The following ACSBG2 variants were observed in gnomAD, a reference collection of about 807,000 sequenced individuals.
ACSBG2 encodes the protein long-chain-fatty-acid--CoA ligase ACSBG2.
In ACSBG2, 62 loss-of-function variants were observed where a neutral mutation model predicts 74.7. The observed-to-expected ratio is 0.83, with a 90% confidence interval of 0.68 to 1.03. The LOEUF (loss-of-function observed/expected upper bound fraction) is 1.03, where lower values mean the gene tolerates loss of function less well. Among genes scored for constraint, ACSBG2 ranks in the 50% least tolerant of loss-of-function variants. The pLI, the probability that ACSBG2 is intolerant of heterozygous loss-of-function variation, is 0.00. For synonymous variants in ACSBG2, 309 were observed against 294.1 expected, an observed-to-expected ratio of 1.05 and a Z score of -0.52; for missense variants, 730 against 817.6, an observed-to-expected ratio of 0.89 and a Z score of 1.31.
Position 6,143,621 on chromosome 19 carries a change from C to G in ACSBG2, c.67+2011C>G, listed in dbSNP as rs138742294. Among the ~76,000 whole-genome samples the G allele has an allele frequency of 8.2e-3, 1,253 of 152,182 alleles. 9 individuals carry two copies. Among genetic ancestry groups the G allele is most frequent in the East Asian group, 0.012 (64 of 5,176 alleles). ...TATCCCACAAGTGTCCAGGTGACAC[C>G]TCCATGTTTTTGTCCAATTTAAAGC... On this transcript the variant is annotated intron_variant, in intron 2 of 14. Transcript: ENST00000588485.
chr19:6,161,046 G>T (rs948116968), intron 5 of ACSBG2, among the ~76,000 whole-genome samples, 169 bp from the exon 6 acceptor site: 14 of 151,702 alleles, frequency 9.2e-5, no homozygotes, highest in Non-Finnish European at 2.9e-5. Context: ...GTTGCAGTGA[G>T]CCGAGATTGG....
Position 6,187,403 on chromosome 19 carries a change from G to A in ACSBG2, c.1661G>A (p.Ser554Asn), listed in dbSNP as rs375722871. ...MLVGDKLKFL[S>N]MLLTLKCEMN... ...GTAGGAGATAAACTGAAGTTTCTGA[G>A]CATGTTGCTGACGCTGAAGGTAACA... The change falls in exon 12 of 15, where the codon AGC becomes AAC. Residue 554 changes from serine (S) to asparagine (N), a missense_variant. Transcript: ENST00000588485. The A allele has an allele frequency of 3.1e-6, 5 of 1,614,042 alleles. No individual in the cohort carries two copies. The African/African-American group carries it at 6.7e-5, about 22-fold the overall frequency.
chr19:6,184,464 A>AT (rs947123347), intron 10 of ACSBG2, among the ~76,000 whole-genome samples: 15 of 151,988 alleles, frequency 9.9e-5, no homozygotes, highest in African/African-American at 3.4e-4. Flanking sequence ...GTCTGTCTTC[A>AT]TTTTTTCTTT....
intron 1 of ACSBG2, among the ~76,000 whole-genome samples, chr19:6,139,798 G>A (rs1357983990): frequency 6.6e-6 from 1 of 152,172 alleles, no homozygotes; most frequent in African/African-American, 2.4e-5. Context: ...GTGATTTTAG[G>A]CCAGGTGTGG....
At chr19:6,152,956 A>G (rs1361580909) in intron 4 of ACSBG2, among the ~76,000 whole-genome samples, 2 of 152,218 alleles carry the variant, frequency 1.3e-5, no homozygotes, top group African/African-American at 4.8e-5. Context: ...TAAAATTTAA[A>G]TATCAGGCCG....
At position 6,187,314 on chromosome 19, in the gene ACSBG2, G is replaced by GC. The variant is rs754308951; in HGVS notation, c.1578dup (p.Ile527HisfsTer4). The GC allele has an allele frequency of 3.7e-6, 6 of 1,614,002 alleles. No homozygotes were observed. The highest frequency in any genetic ancestry group is 5.1e-6 in the Non-Finnish European group (6 of 1,180,046). Reference sequence around the variant, plus strand: ...TTATCACTGCTGGTGGTGAAAATGTGCCCCCCATTCCTGTTGAGACCTTGG... The same window carrying GC: ...TTATCACTGCTGGTGGTGAAAATGTGCCCCCCCATTCCTGTTGAGACCTTGG... On this transcript the variant is annotated frameshift_variant, in exon 12 of 15. Coordinates refer to ENST00000588485, the MANE Select transcript of ACSBG2 (RefSeq NM_030924.5). LOFTEE classifies it high-confidence loss of function.
intron 8 of ACSBG2, among the ~76,000 whole-genome samples, chr19:6,182,510 C>G (rs2090288275): frequency 6.6e-6 from 1 of 152,196 alleles, no homozygotes; most frequent in Non-Finnish European, 1.5e-5. Flanking sequence ...GTTAATAGAA[C>G]TGTCATGTTA....
chr19:6,142,670 G>A (rs1034551379), intron 2 of ACSBG2, among the ~76,000 whole-genome samples: 5 of 150,184 alleles, frequency 3.3e-5, no homozygotes, highest in African/African-American at 4.9e-5. Context: ...GGAGAATGGC[G>A]TGAACCCGGG....
intron 7 of ACSBG2, among the ~76,000 whole-genome samples, chr19:6,167,902 A>G (rs752331897): frequency 6.6e-6 from 1 of 152,062 alleles, no homozygotes; most frequent in African/African-American, 2.4e-5. Flanking sequence ...CCCAGTCTCC[A>G]TCATCGCTCC....
intron 5 of ACSBG2, among the ~76,000 whole-genome samples, chr19:6,157,885 T>C (rs946584924): frequency 1.3e-5 from 2 of 152,044 alleles, no homozygotes; most frequent in African/African-American, 4.8e-5. Flanking sequence ...TTTGTTGTTC[T>C]CTTCTATTTC....
At chr19:6,191,808 C>T (rs1038767856) in intron 14 of ACSBG2, 5 of 152,172 alleles carry the variant, frequency 3.3e-5, no homozygotes, top group Non-Finnish European at 5.9e-5. Context: ...ACTGGTTTAA[C>T]CCTTCCACAC....
intron 13 of ACSBG2, among the ~76,000 whole-genome samples, chr19:6,189,536 T>G (rs1466523274): frequency 6.6e-6 from 1 of 151,958 alleles, no homozygotes; most frequent in Non-Finnish European, 1.5e-5. Context: ...TGTTTTTTTT[T>G]TGTTTGTTTT....
rs181908101 is a variant in ACSBG2, at chr19:6,160,282, C to T, written c.508-933C>T. 5.7e-3 allele frequency among the ~76,000 whole-genome samples: 843 copies of T among 148,604 alleles called. 19 individuals carry two copies. The highest frequency in any genetic ancestry group is 6.0e-3 in the Admixed American group (87 of 14,608). The stretch of plus-strand genomic sequence containing the variant: ...GCGGGCGCCTGTAGTCCCAGCTACT[C>T]GGGAGGCTGAGGCAGGAGAATGGCA... On this transcript the variant is annotated intron_variant, in intron 5 of 14. Coordinates refer to ENST00000588485, the MANE Select transcript of ACSBG2 (RefSeq NM_030924.5).
chr19:6,164,438 T>C (rs923056882), intron 6 of ACSBG2, among the ~76,000 whole-genome samples: 8 of 151,002 alleles, frequency 5.3e-5, no homozygotes, highest in Non-Finnish European at 7.4e-5. Context: ...AGGGGCCTTT[T>C]TTTTTTTTTT....
At position 6,161,295 on chromosome 19, in the gene ACSBG2, T is replaced by C. The variant is rs957234091; in HGVS notation, c.588T>C (p.Ser196=). ...LPMKKNNNLY[S]WDDFMELGRS... ...TGAAGAAGAACAACAACTTGTACTCTGTAAGTGTGGGAGGTGGGCACTGGG... is the reference window on the plus strand; with the variant it reads ...TGAAGAAGAACAACAACTTGTACTCCGTAAGTGTGGGAGGTGGGCACTGGG... Residue 196 remains serine (S), a splice_region_variant and synonymous_variant, in exon 6 of 15, where the codon TCT becomes TCC. Coordinates refer to ENST00000588485, the MANE Select transcript of ACSBG2 (RefSeq NM_030924.5). The C allele has an allele frequency of 3.7e-6, 6 of 1,611,724 alleles. No individual in the cohort carries two copies. The African/African-American group carries it at 6.7e-5, about 18-fold the overall frequency.
chr19:6,183,245 C>A lies in ACSBG2; in HGVS notation c.1295C>A (p.Ser432Tyr). ...GAGAGCTCGGGACCCCACACGATAT[C>A]CAACCAGAATAACTACAGGCTTCTA... Reference protein sequence around the residue: ...LSESSGPHTISNQNNYRLLSC... With the variant: ...LSESSGPHTIYNQNNYRLLSC... Residue 432 changes from serine to tyrosine, a missense_variant, in exon 10 of 15, where the codon TCC becomes TAC. Ser to Tyr is a moderately radical substitution (Grantham distance 144). Coordinates refer to ENST00000588485, the MANE Select transcript of ACSBG2 (RefSeq NM_030924.5). 1 of 1,614,130 alleles carries A rather than the reference C, an allele frequency of 6.2e-7. No homozygotes were observed. Among genetic ancestry groups the A allele is most frequent in the East Asian group, 2.2e-5 (1 of 44,880 alleles).
chr19:6,187,073 C>T (rs2090429249), intron 11 of ACSBG2, among the ~76,000 whole-genome samples: 1 of 148,096 alleles, frequency 6.8e-6, no homozygotes, highest in Admixed American at 6.8e-5. Flanking sequence ...GGCATGATCT[C>T]AGCTCACTGC....
At chr19:6,190,828 C>G (rs1317204674) in intron 14 of ACSBG2, 136 bp downstream of exon 14, 23 of 552,820 alleles carry the variant, frequency 4.2e-5, no homozygotes, top group Non-Finnish European at 5.2e-5. Flanking sequence ...CACACACACA[C>G]ACACACACAC....
At position 6,157,920 on chromosome 19, in the gene ACSBG2, T is replaced by C. The variant is rs187709054; in HGVS notation, c.507+1369T>C. Among the ~76,000 whole-genome samples, 543 of 152,280 alleles carry C rather than the reference T, an allele frequency of 3.6e-3. 2 individuals are homozygous for C. Among genetic ancestry groups the C allele is most frequent in the Non-Finnish European group, 4.2e-3 (284 of 68,024 alleles). ...CTTGCCTAAGTTCTATCCCTTCCTGTTTCATTTTTTTCTAGTGTCCTGCTG... is the reference window on the plus strand; with the variant it reads ...CTTGCCTAAGTTCTATCCCTTCCTGCTTCATTTTTTTCTAGTGTCCTGCTG... On this transcript the variant is annotated intron_variant, in intron 5 of 14. Coordinates refer to ENST00000588485, the MANE Select transcript of ACSBG2 (RefSeq NM_030924.5).
Sources: gnomAD v4.1 joint callset for allele counts (sites outside exome capture counted in the v4.1 genomes callset) on GRCh38, gnomAD v4.1.1 for gene constraint, MANE v1.5 for transcripts, NCBI Gene and HGNC (gene_info 2026-07-23, HGNC 2026-07-21) for gene names.